The following CYP7B1 variants were observed in gnomAD, a reference collection of about 807,000 sequenced individuals.
CYP7B1 encodes cytochrome P450 family 7 subfamily B member 1, also known as cytochrome P450 7B1.
CYP7B1 carries 29 observed loss-of-function variants against 42.7 expected under a neutral mutation model. The ratio of observed to expected loss-of-function variants is 0.68; its 90% CI spans 0.51 to 0.93. The LOEUF (loss-of-function observed/expected upper bound fraction) is 0.93, where lower values mean the gene tolerates loss of function less well. CYP7B1 is among the 40% of genes least tolerant of loss of function. CYP7B1 has a pLI of 0.00. For missense variants in CYP7B1, 655 were observed against 600.5 expected (o/e 1.09, Z -0.95); for synonymous variants, 235 against 218.2 (o/e 1.08, Z -0.68).
chr8:64,723,574 TG>T (rs756149916), intron 1 of CYP7B1, among the ~76,000 whole-genome samples: 1 of 152,192 alleles, frequency 6.6e-6, no homozygotes, highest in African/African-American at 2.4e-5. Flanking sequence ...GGATTTTAGT[TG>T]GGAACACATG....
At chr8:64,736,695 C>T (rs1200462944) in intron 1 of CYP7B1, among the ~76,000 whole-genome samples, 1 of 151,986 alleles carries the variant, frequency 6.6e-6, no homozygotes, top group Non-Finnish European at 1.5e-5. Flanking sequence ...GTGATCCTCC[C>T]GCCTCAGCCT....
intron 1 of CYP7B1, among the ~76,000 whole-genome samples, chr8:64,692,683 T>C (rs1240975875): frequency 6.6e-6 from 1 of 152,188 alleles, no homozygotes; most frequent in Non-Finnish European, 1.5e-5. Context: ...CCTGGAGTCA[T>C]TTCCACACCT....
At chr8:64,706,673 C>T (rs1807004369) in intron 1 of CYP7B1, among the ~76,000 whole-genome samples, 1 of 151,866 alleles carries the variant, frequency 6.6e-6, no homozygotes, top group Non-Finnish European at 1.5e-5. Context: ...GTAAACTAAT[C>T]ACAATAATAA....
intron 1 of CYP7B1, among the ~76,000 whole-genome samples, chr8:64,786,787 C>A (rs1184173312): frequency 6.6e-6 from 1 of 152,254 alleles, no homozygotes; most frequent in African/African-American, 2.4e-5. Context: ...AGCAAAGGTT[C>A]TCCATGAGGG....
intron 1 of CYP7B1, among the ~76,000 whole-genome samples, chr8:64,667,489 AC>A (rs1806299086): frequency 6.6e-6 from 1 of 152,202 alleles, no homozygotes; most frequent in African/African-American, 2.4e-5. Flanking sequence ...ATGCTTTGGG[AC>A]CTGGTGACAA....
intron 1 of CYP7B1, among the ~76,000 whole-genome samples, chr8:64,724,270 C>T (rs1272701556): frequency 2.0e-5 from 3 of 152,074 alleles, no homozygotes; most frequent in African/African-American, 4.8e-5. Context: ...CCTTAGCCTC[C>T]GAAGTAGCTG....
chr8:64,753,609 CAAG>C (rs1807763151), intron 1 of CYP7B1, among the ~76,000 whole-genome samples: 1 of 152,172 alleles, frequency 6.6e-6, no homozygotes. Flanking sequence ...GTGAAATAGA[CAAG>C]ACTCTCGCCC....
rs527943914 is a variant in CYP7B1, at chr8:64,609,283, T to C, written c.1058-4426A>G. Among the ~76,000 whole-genome samples the C allele has an allele frequency of 1.2e-3, 187 of 152,314 alleles. 1 individual carries two copies. Among genetic ancestry groups the C allele is most frequent in the African/African-American group, 4.5e-3 (185 of 41,572 alleles). On this transcript the variant is annotated intron_variant, in intron 4 of 5. Coordinates refer to ENST00000310193, the MANE Select transcript of CYP7B1 (RefSeq NM_004820.5). ...ATTACCTCACATACTGATCAGTTAT[T>C]TGTGGTGAGAAAACTTAAAATCTAC...
intron 1 of CYP7B1, chr8:64,703,952 G>A (rs939633674): frequency 2.0e-5 from 3 of 151,966 alleles, no homozygotes; most frequent in African/African-American, 7.2e-5. Flanking sequence ...TGTCCTGACA[G>A]GAGATTAGAC....
chr8:64,768,027 G>C (rs1804136368), intron 1 of CYP7B1, among the ~76,000 whole-genome samples: 1 of 152,148 alleles, frequency 6.6e-6, no homozygotes. Context: ...CTGTTGAGAG[G>C]GGTGACTAAG....
chr8:64,766,542 A>T (rs1386570481), intron 1 of CYP7B1, among the ~76,000 whole-genome samples: 1 of 151,880 alleles, frequency 6.6e-6, no homozygotes, highest in Non-Finnish European at 1.5e-5. Flanking sequence ...CCACTGCTTT[A>T]GTCATGGCCT....
chr8:64,726,368 G>A (rs1382647087), intron 1 of CYP7B1, among the ~76,000 whole-genome samples: 1 of 152,148 alleles, frequency 6.6e-6, no homozygotes, highest in Admixed American at 6.5e-5. Flanking sequence ...CAATTTAATA[G>A]AAATCAGCTT....
chr8:64,671,505 C>T (rs997882570), intron 1 of CYP7B1, among the ~76,000 whole-genome samples: 1 of 152,092 alleles, frequency 6.6e-6, no homozygotes, highest in Non-Finnish European at 1.5e-5. Context: ...AGACAGCCCT[C>T]AATAATAAGG....
chr8:64,666,421 A>C (rs778466363), intron 1 of CYP7B1, among the ~76,000 whole-genome samples: 6 of 152,218 alleles, frequency 3.9e-5, no homozygotes, highest in Non-Finnish European at 8.8e-5. Flanking sequence ...TTTAGGAATA[A>C]ATAAGGTTAT....
At chr8:64,724,694 A>G (rs1197481259) in intron 1 of CYP7B1, among the ~76,000 whole-genome samples, 1 of 152,142 alleles carries the variant, frequency 6.6e-6, no homozygotes, top group Non-Finnish European at 1.5e-5. Context: ...ATGATACTCC[A>G]AAGTATGATG....
chr8:64,753,592 G>A (rs181887077), intron 1 of CYP7B1, among the ~76,000 whole-genome samples: 233 of 152,300 alleles, frequency 1.5e-3, no homozygotes, highest in African/African-American at 5.4e-3. Context: ...CAGGGGCCAG[G>A]GCAGTGGTGA....
chr8:64,649,314 TC>T (rs1471806521), intron 1 of CYP7B1, among the ~76,000 whole-genome samples: 3 of 152,240 alleles, frequency 2.0e-5, no homozygotes, highest in Non-Finnish European at 4.4e-5. Context: ...ACAGTATTTG[TC>T]TTTTTGTAAC....
In CYP7B1 at chr8:64,623,995, T is replaced by TG. The variant is rs1014026055; in HGVS notation, c.259+407dup. Among the ~76,000 whole-genome samples, 3 of 152,094 alleles carry TG rather than the reference T, an allele frequency of 2.0e-5. No individual in the cohort carries two copies. In the East Asian group the frequency reaches 5.8e-4, roughly 29 times the overall value. On this transcript the variant is annotated intron_variant, in intron 2 of 5. Transcript: ENST00000310193. Reference sequence around the variant, plus strand: ...TAGATACAATCAGGGAAACTGTGATTGGGGGGAGGGGGTATATGGGAACTC... The same window carrying TG: ...TAGATACAATCAGGGAAACTGTGATTGGGGGGGAGGGGGTATATGGGAACTC...
intron 1 of CYP7B1, among the ~76,000 whole-genome samples, chr8:64,761,601 T>C (rs1807892400): frequency 6.6e-6 from 1 of 152,180 alleles, no homozygotes; most frequent in South Asian, 2.1e-4. Flanking sequence ...AAGAAATGAC[T>C]GGAAATTATC....
Sources: allele counts gnomAD v4.1 joint callset (sites outside exome capture counted in the v4.1 genomes callset), GRCh38; gene constraint gnomAD v4.1.1; transcripts MANE v1.5; gene names NCBI Gene and HGNC (gene_info 2026-07-23, HGNC 2026-07-21).